The following RSF1 variants were observed in gnomAD, a reference collection of about 807,000 sequenced individuals.
RSF1 encodes HBV pX-associated protein 8.
A neutral mutation model predicts 145.2 loss-of-function variants in RSF1; 13 were observed. The ratio of observed to expected loss-of-function variants is 0.09; its 90% CI spans 0.06 to 0.14. The LOEUF (loss-of-function observed/expected upper bound fraction) is 0.14. Among genes scored for constraint, RSF1 ranks in the 10% least tolerant of loss-of-function variants. The pLI is 1.00. For synonymous variants in RSF1, 577 were observed against 592.6 expected, an observed-to-expected ratio of 0.97 and a Z score of 0.38; for missense variants, 1,517 against 1,718.2, an observed-to-expected ratio of 0.88 and a Z score of 2.07.
At chr11:77,837,815 G>A in the RSF1 span, among the ~76,000 whole-genome samples, 7 of 152,278 alleles carry the variant, frequency 4.6e-5, no homozygotes, top group East Asian at 1.3e-3. Flanking sequence ...CAAGCACTTG[G>A]GAGGCTGAGA....
upstream of RSF1, among the ~76,000 whole-genome samples, chr11:77,821,512 CTG>C (rs1300099626): frequency 6.6e-6 from 1 of 151,952 alleles, no homozygotes; most frequent in Non-Finnish European, 1.5e-5. Context: ...GAACGGAACT[CTG>C]GGGGAATCGT....
At position 77,698,605 on chromosome 11, in the gene RSF1, C is replaced by A; in HGVS notation, c.2597G>T (p.Gly866Val). The A allele has an allele frequency of 6.2e-7, 1 of 1,614,122 alleles. No homozygotes were observed. The highest frequency in any genetic ancestry group is 8.5e-7 in the Non-Finnish European group (1 of 1,180,022). The change falls in exon 7 of 16, where the codon GGC (glycine) becomes GTC (valine). Residue 866 changes from glycine (G) to valine (V), a missense_variant. Coordinates refer to ENST00000308488, the MANE Select transcript of RSF1 (RefSeq NM_016578.4). ...TGAAGCTGCAGATGATTTTTCACTG[C>A]CAGACCCTTCACTTTCATCATTGCT... ...YSSNDESEGS[G>V]SEKSSAASEE... is the part of the protein sequence containing the mutation.
intron 4 of RSF1, among the ~76,000 whole-genome samples, chr11:77,731,028 C>CAG (rs1389367454): frequency 1.3e-5 from 2 of 152,040 alleles, no homozygotes; most frequent in African/African-American, 4.8e-5. Flanking sequence ...GGGTAAAAGG[C>CAG]AGAGGTTGGA....
intron 14 of RSF1, 114 bp from the exon 15 acceptor site, chr11:77,672,344 T>A (rs1357712616): frequency 7.4e-6 from 6 of 812,354 alleles, no homozygotes; most frequent in Non-Finnish European, 1.1e-5. Context: ...TATTTTTAAG[T>A]GAACAGTAAC....
chr11:77,770,151 A>G (rs1339648304), intron 1 of RSF1, among the ~76,000 whole-genome samples: 1 of 152,216 alleles, frequency 6.6e-6, no homozygotes, highest in Non-Finnish European at 1.5e-5. Context: ...TGTAACTTAG[A>G]CGATCATCTA....
At chr11:77,717,119 A>G (rs536434549) in intron 5 of RSF1, among the ~76,000 whole-genome samples, 1 of 149,892 alleles carries the variant, frequency 6.7e-6, no homozygotes, top group African/African-American at 2.4e-5. Context: ...TGGGGGTTGC[A>G]GTGAGCCAAG....
At chr11:77,708,883 G>A (rs1960614302) in intron 5 of RSF1, among the ~76,000 whole-genome samples, 1 of 151,992 alleles carries the variant, frequency 6.6e-6, no homozygotes, top group African/African-American at 2.4e-5. Context: ...TTCTATAAAG[G>A]GTCACAGTAA....
chr11:77,846,203 A>G, the RSF1 span, among the ~76,000 whole-genome samples: 4 of 152,082 alleles, frequency 2.6e-5, no homozygotes, highest in Non-Finnish European at 4.4e-5. Context: ...TAATGATTTG[A>G]CTGAGATTTC....
chr11:77,872,144 C>A, the RSF1 span: 1 of 1,602,688 alleles, frequency 6.2e-7, no homozygotes, highest in Non-Finnish European at 8.5e-7. Flanking sequence ...GCCTTTCCCC[C>A]TACTTACTCA....
intron 1 of RSF1, among the ~76,000 whole-genome samples, chr11:77,805,031 G>A (rs1301274687): frequency 6.6e-6 from 1 of 152,060 alleles, no homozygotes; most frequent in Non-Finnish European, 1.5e-5. Flanking sequence ...TATCTAGAGT[G>A]GTATTTCAAG....
chr11:77,764,356 C>G, intron 2 of RSF1: 1 of 396,248 alleles, frequency 2.5e-6, no homozygotes, highest in South Asian at 3.9e-5. Context: ...ATGAAAAGTC[C>G]TGAGCACAGT....
At chr11:77,786,627 A>C (rs1948459319) in intron 1 of RSF1, among the ~76,000 whole-genome samples, 2 of 152,200 alleles carry the variant, frequency 1.3e-5, no homozygotes, top group Non-Finnish European at 2.9e-5. Context: ...GTGGGGAATA[A>C]AAGATCCCCA....
At chr11:77,784,919 C>T (rs1410580510) in intron 1 of RSF1, among the ~76,000 whole-genome samples, 1 of 152,172 alleles carries the variant, frequency 6.6e-6, no homozygotes, top group Non-Finnish European at 1.5e-5. Flanking sequence ...TCAAGGTAGC[C>T]CATGTACAGA....
At chr11:77,670,383 C>T (rs1164281629) in intron 15 of RSF1, among the ~76,000 whole-genome samples, 2 of 152,184 alleles carry the variant, frequency 1.3e-5, no homozygotes, top group Non-Finnish European at 2.9e-5. Flanking sequence ...TTCAGGTCTT[C>T]ACTCAAATGT....
At chr11:77,731,408 T>C (rs113890797) in intron 4 of RSF1, among the ~76,000 whole-genome samples, 6 of 152,170 alleles carry the variant, frequency 3.9e-5, no homozygotes, top group African/African-American at 9.7e-5. Flanking sequence ...TTTAGAAAAT[T>C]TGCAGCCTGG....
At chr11:77,829,521 TG>T in the RSF1 span, 1 of 152,316 alleles carries the variant, frequency 6.6e-6, no homozygotes, top group South Asian at 2.1e-4. Flanking sequence ...GAATAGTTTT[TG>T]CAACAAATGA....
intron 2 of RSF1, among the ~76,000 whole-genome samples, chr11:77,751,973 T>C (rs897563656): frequency 2.0e-5 from 3 of 152,198 alleles, no homozygotes; most frequent in Non-Finnish European, 4.4e-5. Context: ...ACTTAACCAG[T>C]GACTCCACAA....
rs368439164 is a variant in RSF1, at chr11:77,700,792, C to T, written c.2437G>A (p.Ala813Thr). 2.1e-5 allele frequency: 34 copies of T among 1,608,822 alleles called. No homozygotes were observed. The highest frequency in any genetic ancestry group is 2.6e-5 in the Non-Finnish European group (31 of 1,179,266). Reference sequence around the variant, plus strand: ...TCCTTTTTGTCAGTTTTTTGCAAAGCTGTTGACTCTTCTTCCACCTCATCT... The same window carrying T: ...TCCTTTTTGTCAGTTTTTTGCAAAGTTGTTGACTCTTCTTCCACCTCATCT... Reference protein sequence around the residue: ...GEDEVEEESTALQKTDKKEIL... With the variant: ...GEDEVEEESTTLQKTDKKEIL... Residue 813 changes from alanine to threonine, a missense_variant, in exon 6 of 16, where the codon GCT becomes ACT. Transcript: ENST00000308488.
chr11:77,809,789 A>T (rs1221788288), intron 1 of RSF1, among the ~76,000 whole-genome samples: 1 of 152,230 alleles, frequency 6.6e-6, no homozygotes, highest in Non-Finnish European at 1.5e-5. Flanking sequence ...CTATATCCCC[A>T]AACTCCAAAT....
Sources: allele counts gnomAD v4.1 joint callset (sites outside exome capture counted in the v4.1 genomes callset), GRCh38; gene constraint gnomAD v4.1.1; transcripts MANE v1.5; gene names NCBI Gene and HGNC (gene_info 2026-07-23, HGNC 2026-07-21).